The following GUCY1A2 variants were observed in gnomAD, a reference collection of about 807,000 sequenced individuals.
The protein encoded by GUCY1A2 is guanylate cyclase soluble subunit alpha-2.
A neutral mutation model predicts 63.5 loss-of-function variants in GUCY1A2; 27 were observed. That is an observed-to-expected ratio of 0.43 (90% CI 0.31 to 0.59). The LOEUF (loss-of-function observed/expected upper bound fraction) is 0.59. Among genes scored for constraint, GUCY1A2 ranks in the 20% least tolerant of loss-of-function variants. GUCY1A2 has a pLI of 0.11. For synonymous variants in GUCY1A2, 364 were observed against 343.5 expected (o/e 1.06, Z -0.66); for missense variants, 768 against 913.3 (o/e 0.84, Z 2.05).
At chr11:106,731,518 A>G (rs552226261) in intron 6 of GUCY1A2, among the ~76,000 whole-genome samples, 35 of 152,068 alleles carry the variant, frequency 2.3e-4, no homozygotes, top group Non-Finnish European at 4.6e-4. Flanking sequence ...TCAAGATAGT[A>G]CTAGAAGTCC....
At chr11:106,859,879 T>C (rs1859485702) in intron 4 of GUCY1A2, among the ~76,000 whole-genome samples, 3 of 151,970 alleles carry the variant, frequency 2.0e-5, no homozygotes. Context: ...CAGTAGGCTC[T>C]ACCATCTAGA....
chr11:106,705,642 C>G (rs576546034), intron 7 of GUCY1A2, among the ~76,000 whole-genome samples: 6 of 152,096 alleles, frequency 3.9e-5, no homozygotes, highest in Non-Finnish European at 5.9e-5. Context: ...GGGCAGATCA[C>G]GAGGTCAGGA....
intron 5 of GUCY1A2, among the ~76,000 whole-genome samples, chr11:106,777,411 C>T (rs1251416743): frequency 4.2e-5 from 6 of 144,380 alleles, no homozygotes; most frequent in African/African-American, 1.0e-4. Flanking sequence ...TGCACCACTG[C>T]GCTCCAGCCT....
At chr11:106,839,571 G>A (rs1293061887) in intron 4 of GUCY1A2, among the ~76,000 whole-genome samples, 2 of 151,916 alleles carry the variant, frequency 1.3e-5, no homozygotes, top group African/African-American at 4.8e-5. Context: ...TATGTTTATT[G>A]CGGCACTACT....
intron 6 of GUCY1A2, among the ~76,000 whole-genome samples, chr11:106,724,828 A>T (rs1005552369): frequency 1.2e-4 from 18 of 152,158 alleles, no homozygotes; most frequent in Non-Finnish European, 2.5e-4. Context: ...TAGAGTGTGC[A>T]ACACTCTGTG....
rs953859910 is a variant in GUCY1A2, at chr11:106,677,010, A to G, written c.*10539T>C. 1 of 213,414 alleles carries G rather than the reference A, an allele frequency of 4.7e-6. No homozygotes were observed. Among genetic ancestry groups the G allele is most frequent in the East Asian group, 6.9e-5 (1 of 14,522 alleles). The allele number at this position is 213,414 out of a possible 1,614,324, so 13.2% of individuals were successfully genotyped here. ...GGTCCCAATTCTCTCAGTCACTTCTATCCTCAACTGATCTGCATCTACGTG... is the reference window on the plus strand; with the variant it reads ...GGTCCCAATTCTCTCAGTCACTTCTGTCCTCAACTGATCTGCATCTACGTG... On this transcript the variant is annotated 3_prime_UTR_variant, in exon 8 of 8. Coordinates refer to ENST00000526355, the MANE Select transcript of GUCY1A2 (RefSeq NM_000855.3).
intron 6 of GUCY1A2, among the ~76,000 whole-genome samples, chr11:106,766,398 A>C (rs1260961211): frequency 2.6e-5 from 4 of 152,108 alleles, no homozygotes; most frequent in Non-Finnish European, 5.9e-5. Flanking sequence ...CTACTTTTTA[A>C]GTCCATACCT....
intron 5 of GUCY1A2, among the ~76,000 whole-genome samples, chr11:106,780,441 C>A (rs1864438059): frequency 6.6e-6 from 1 of 152,118 alleles, no homozygotes; most frequent in African/African-American, 2.4e-5. Context: ...TTCTACATAT[C>A]CATTTGGATT....
In GUCY1A2 at chr11:106,940,169, A is replaced by T. The variant is rs1481977674; in HGVS notation, c.497T>A (p.Phe166Tyr). The T allele has an allele frequency of 2.0e-6, 3 of 1,513,556 alleles. No homozygotes were observed. In the South Asian group the frequency reaches 3.4e-5, roughly 17 times the overall value. 93.8% of individuals were successfully genotyped at this position (1,513,556 alleles called of 1,614,324 possible). Residue 166 changes from phenylalanine to tyrosine, a missense_variant, in exon 4 of 8, where the codon TTT (phenylalanine) becomes TAT (tyrosine). Phe to Tyr is a conservative substitution (Grantham distance 22, BLOSUM62 3). Around this residue, in one of 3 missense-constraint regions of GUCY1A2, gnomAD observed 496 missense variants for 486.9 expected, o/e 1.02. Transcript: ENST00000526355. ...QCTANILGLKFEEIQKRFGEE... is the reference protein window; with the variant it reads ...QCTANILGLKYEEIQKRFGEE... ...ACCAAATCTTTTTTGAATTTCCTCA[A>T]ACTTCAAACCTAGAGGTAAATGGGA... is the stretch of plus-strand genomic sequence containing the variant.
At chr11:106,918,094 A>G (rs1181434053) in intron 4 of GUCY1A2, among the ~76,000 whole-genome samples, 1 of 144,660 alleles carries the variant, frequency 6.9e-6, no homozygotes, top group Non-Finnish European at 1.6e-5. Context: ...GGTAGAACAG[A>G]GAAGGAGAAC....
chr11:106,792,804 C>G (rs1864687511), intron 5 of GUCY1A2, among the ~76,000 whole-genome samples: 1 of 152,018 alleles, frequency 6.6e-6, no homozygotes, highest in Non-Finnish European at 1.5e-5. Flanking sequence ...AAAGAATAAA[C>G]TACTTAAAAT....
chr11:106,951,827 AT>A (rs1860913376), intron 3 of GUCY1A2, among the ~76,000 whole-genome samples: 1 of 152,142 alleles, frequency 6.6e-6, no homozygotes, highest in African/African-American at 2.4e-5. Context: ...AATGTCCTGA[AT>A]GGTATTGCCT....
rs1591292542 is a variant in GUCY1A2, at chr11:106,826,821, G to A, written c.1207-16343C>T. On this transcript the variant is annotated intron_variant, in intron 4 of 7. Coordinates refer to ENST00000526355, the MANE Select transcript of GUCY1A2 (RefSeq NM_000855.3). Reference sequence around the variant, plus strand: ...TCAGCTGCCAGGATGTAGTACAGATGTCACCGGCAGCATAGATATCAGGAA... The same window carrying A: ...TCAGCTGCCAGGATGTAGTACAGATATCACCGGCAGCATAGATATCAGGAA... 5.6e-6 allele frequency: 9 copies of A among 1,608,704 alleles called. No individual in the cohort carries two copies. In the East Asian group the frequency reaches 2.0e-4, roughly 36 times the overall value.
chr11:106,869,341 A>G (rs989327363), intron 4 of GUCY1A2, among the ~76,000 whole-genome samples: 3 of 152,146 alleles, frequency 2.0e-5, no homozygotes, highest in Non-Finnish European at 4.4e-5. Flanking sequence ...ATGGGAGAAC[A>G]TTTTTGCAAT....
chr11:107,012,260 CTTTT>C (rs371100294), intron 1 of GUCY1A2, among the ~76,000 whole-genome samples: 2 of 141,258 alleles, frequency 1.4e-5, no homozygotes, highest in African/African-American at 2.6e-5. Context: ...CTTCTTATTA[CTTTT>C]TTTTTTTTTT....
At chr11:107,012,497 A>C (rs1861761176) in intron 1 of GUCY1A2, among the ~76,000 whole-genome samples, 1 of 152,196 alleles carries the variant, frequency 6.6e-6, no homozygotes, top group Non-Finnish European at 1.5e-5. Flanking sequence ...GGTAGTTGTT[A>C]TTCCTAATTC....
chr11:106,964,298 T>C (rs1183367573), intron 3 of GUCY1A2, among the ~76,000 whole-genome samples: 2 of 152,350 alleles, frequency 1.3e-5, no homozygotes, highest in East Asian at 3.9e-4. Flanking sequence ...TAGTTTCCTT[T>C]CTTCAAGAAT....
At chr11:106,781,798 G>A (rs761862256) in intron 5 of GUCY1A2, among the ~76,000 whole-genome samples, 42 of 151,798 alleles carry the variant, frequency 2.8e-4, no homozygotes, top group Non-Finnish European at 5.4e-4. Flanking sequence ...GAACTCCTGG[G>A]CTCAAGAGAT....
intron 5 of GUCY1A2, among the ~76,000 whole-genome samples, chr11:106,792,043 A>G (rs1230371554): frequency 6.6e-6 from 1 of 152,180 alleles, no homozygotes; most frequent in Non-Finnish European, 1.5e-5. Context: ...ACTGATGCAA[A>G]ATTCTTCAAC....
Sources: gnomAD v4.1 joint callset for allele counts (sites outside exome capture counted in the v4.1 genomes callset) on GRCh38, gnomAD v4.1.1 for gene constraint, gnomAD v4.1.1 regional missense constraint, MANE v1.5 for transcripts, NCBI Gene and HGNC (gene_info 2026-07-23, HGNC 2026-07-21) for gene names.